The following TENM1 variants were observed in gnomAD, a reference collection of about 807,000 sequenced individuals.
TENM1 encodes the protein teneurin transmembrane protein 1.
In TENM1, 35 loss-of-function variants were observed where a neutral mutation model predicts 174.8. The ratio of observed to expected loss-of-function variants is 0.20; its 90% confidence interval spans 0.15 to 0.27. The LOEUF (loss-of-function observed/expected upper bound fraction) is 0.27, where lower values mean the gene tolerates loss of function less well. TENM1 is among the 10% of genes least tolerant of loss of function. The pLI, the probability that TENM1 is intolerant of heterozygous loss-of-function variation, is 1.00. For missense variants in TENM1, 1,633 were observed against 2,130.1 expected (o/e 0.77, Z 4.59); for synonymous variants, 781 against 798.7 (o/e 0.98, Z 0.37).
intron 23 of TENM1, among the ~76,000 whole-genome samples, chrX:124,428,570 C>T (rs893669557): frequency 1.4e-4 from 16 of 111,839 alleles, no homozygotes; most frequent in Admixed American, 5.7e-4. Flanking sequence ...GTATATTCTA[C>T]GAGTCTCTGG....
At chrX:124,470,679 C>T (rs1343020892) in intron 22 of TENM1, among the ~76,000 whole-genome samples, 1 of 110,708 alleles carries the variant, frequency 9.0e-6, no homozygotes, top group East Asian at 2.8e-4. Context: ...ACTGGCCTGC[C>T]AGGATTCCTT....
At chrX:125,001,904 C>T in the TENM1 span, among the ~76,000 whole-genome samples, 6 of 92,258 alleles carry the variant, frequency 6.5e-5, no homozygotes, top group Non-Finnish European at 1.3e-4. Context: ...TCTCTACCTC[C>T]AGTCCATCTG....
chrX:124,829,957 C>T (rs760057324), intron 3 of TENM1, among the ~76,000 whole-genome samples: 2 of 112,257 alleles, frequency 1.8e-5, no homozygotes, highest in African/African-American at 6.5e-5. Context: ...AATTATTCAG[C>T]CCCCGTACCT....
At chrX:125,137,341 T>C in the TENM1 span, among the ~76,000 whole-genome samples, 1 of 110,958 alleles carries the variant, frequency 9.0e-6, no homozygotes, top group African/African-American at 3.3e-5. Context: ...AGTGTCATTT[T>C]GACCACTTTA....
intron 3 of TENM1, among the ~76,000 whole-genome samples, chrX:124,832,823 C>T: frequency 8.9e-6 from 1 of 112,152 alleles, no homozygotes; most frequent in African/African-American, 3.2e-5. Flanking sequence ...GATCCTCCCG[C>T]CTTGGCCTCC....
rs1327725664 is a variant in TENM1 at position 124,583,398 on chromosome X, C to T, written c.2078-17838G>A. ...TTCATGAAAATCCACTGTTCTGCAGCCACTGCTGCTGGTACCCAGGCAAAC... is the reference window on the plus strand; with the variant it reads ...TTCATGAAAATCCACTGTTCTGCAGTCACTGCTGCTGGTACCCAGGCAAAC... On this transcript the variant is annotated intron_variant, in intron 11 of 31. Coordinates refer to ENST00000422452, the Ensembl canonical transcript of TENM1. Among the ~76,000 whole-genome samples the T allele has an allele frequency of 2.7e-5, 3 of 111,995 alleles. No homozygotes were observed. The East Asian group carries it at 8.5e-4, about 32-fold the overall frequency.
At chrX:125,190,883 T>A in the TENM1 span, among the ~76,000 whole-genome samples, 1 of 111,777 alleles carries the variant, frequency 8.9e-6, no homozygotes, top group African/African-American at 3.2e-5. Context: ...CTTTTGCATA[T>A]CTTTTTCAAG....
intron 11 of TENM1, among the ~76,000 whole-genome samples, chrX:124,618,156 T>C (rs1359432702): frequency 8.9e-6 from 1 of 112,159 alleles, no homozygotes; most frequent in Non-Finnish European, 1.9e-5. Flanking sequence ...CAGAGAGATA[T>C]GGTTAGACAT....
chrX:124,823,822 A>T (rs2147303194), intron 3 of TENM1, among the ~76,000 whole-genome samples: 1 of 111,805 alleles, frequency 8.9e-6, no homozygotes, highest in East Asian at 2.8e-4. Context: ...AGAGGTAACA[A>T]TCATAAGCAA....
rs780281500 is a variant in TENM1 at position 124,918,222 on chromosome X, C to G, written c.218-21981G>C. Reference sequence around the variant, plus strand: ...TGAGTTGGTGTCTGGCTCTGTCACCCAGGCTAGAGTGCAGTGGCATGATCT... The same window carrying G: ...TGAGTTGGTGTCTGGCTCTGTCACCGAGGCTAGAGTGCAGTGGCATGATCT... On this transcript the variant is annotated intron_variant, in intron 1 of 31. Coordinates refer to ENST00000422452, the Ensembl canonical transcript of TENM1. Among the ~76,000 whole-genome samples the G allele has an allele frequency of 1.1e-4, 12 of 109,653 alleles. No individual in the cohort carries two copies. In the East Asian group the frequency reaches 3.4e-3, roughly 31 times the overall value.
At chrX:124,982,270 G>GAAAAAAAAAA in the TENM1 span, among the ~76,000 whole-genome samples, 63 of 10,454 alleles carry the variant, frequency 6.0e-3, no homozygotes, top group East Asian at 0.012. Context: ...AAGAAAATGT[G>GAAAAAAAAAA]AAAAAAAAAA....
chrX:124,629,818 T>C (rs2050718627), intron 11 of TENM1, among the ~76,000 whole-genome samples: 1 of 112,224 alleles, frequency 8.9e-6, no homozygotes, highest in Non-Finnish European at 1.9e-5. Context: ...ATATGCTCAT[T>C]GCCAACTTTC....
chrX:124,911,895 C>A, intron 1 of TENM1, among the ~76,000 whole-genome samples: 1 of 111,650 alleles, frequency 9.0e-6, no homozygotes, highest in African/African-American at 3.3e-5. Flanking sequence ...CCTGGAAATT[C>A]GCTAGCTGTG....
At chrX:124,827,184 G>T (rs183708785) in intron 3 of TENM1, among the ~76,000 whole-genome samples, 2 of 111,193 alleles carry the variant, frequency 1.8e-5, no homozygotes, top group Admixed American at 1.9e-4. Flanking sequence ...CTGAGTAGCT[G>T]GGATTACAGG....
At chrX:124,469,137 G>GAATTA (rs1453894012) in intron 22 of TENM1, among the ~76,000 whole-genome samples, 1 of 111,911 alleles carries the variant, frequency 8.9e-6, no homozygotes, top group African/African-American at 3.2e-5. Flanking sequence ...CACGTAAACA[G>GAATTA]AATTAAATTA....
At chrX:124,671,231 T>G (rs947270511) in intron 6 of TENM1, among the ~76,000 whole-genome samples, 1 of 110,934 alleles carries the variant, frequency 9.0e-6, no homozygotes, top group Non-Finnish European at 1.9e-5. Flanking sequence ...AAAAATCATG[T>G]TATCCAACTT....
chrX:125,005,993 C>G, the TENM1 span, among the ~76,000 whole-genome samples: 13 of 111,573 alleles, frequency 1.2e-4, no homozygotes, highest in Non-Finnish European at 2.3e-4. Flanking sequence ...TCCAGCAGCT[C>G]CTGGAACTCC....
At chrX:124,448,542 C>T (rs1437802331) in intron 23 of TENM1, among the ~76,000 whole-genome samples, 2 of 96,172 alleles carry the variant, frequency 2.1e-5, no homozygotes, top group Non-Finnish European at 4.3e-5. Context: ...ATTATCTCTT[C>T]ATTGTTCAGT....
At chrX:124,468,149 T>C (rs1364389029) in intron 22 of TENM1, among the ~76,000 whole-genome samples, 1 of 110,689 alleles carries the variant, frequency 9.0e-6, no homozygotes, top group Non-Finnish European at 1.9e-5. Context: ...ATTTAATAGA[T>C]GTTATCATTT....
Sources: gnomAD v4.1 joint callset for allele counts (sites outside exome capture counted in the v4.1 genomes callset) on GRCh38, gnomAD v4.1.1 for gene constraint, MANE v1.5 for transcripts, NCBI Gene and HGNC (gene_info 2026-07-23, HGNC 2026-07-21) for gene names.